The following ABCC12 variants were observed in gnomAD, a reference collection of about 807,000 sequenced individuals.
The protein encoded by ABCC12 is ATP-binding cassette sub-family C member 12.
ABCC12 carries 142 observed loss-of-function variants against 151.1 expected under a neutral mutation model. The ratio of observed to expected loss-of-function variants is 0.94; its 90% CI spans 0.82 to 1.08. The LOEUF is 1.08. ABCC12 is among the 50% of genes least tolerant of loss of function. The pLI, the probability that ABCC12 is intolerant of heterozygous loss-of-function variation, is 0.00. For synonymous variants in ABCC12, 645 were observed against 646.4 expected, an observed-to-expected ratio of 1.00 and a Z score of 0.03; for missense variants, 1,638 against 1,691.1, an observed-to-expected ratio of 0.97 and a Z score of 0.55.
At chr16:48,116,234 G>C (rs542718087) in intron 14 of ABCC12, among the ~76,000 whole-genome samples, 15 of 152,338 alleles carry the variant, frequency 9.8e-5, no homozygotes, top group Admixed American at 6.5e-4. Context: ...GGAACCCAAA[G>C]TGAACCCCAG....
intron 25 of ABCC12, among the ~76,000 whole-genome samples, chr16:48,089,184 A>G (rs1962771305): frequency 6.6e-6 from 1 of 152,234 alleles, no homozygotes; most frequent in Non-Finnish European, 1.5e-5. Context: ...AAGAAAAGTC[A>G]TGTGGCTGGA....
At chr16:48,117,428 C>A in intron 13 of ABCC12, 95 bp from the exon 14 acceptor site, 1 of 1,388,354 alleles carries the variant, frequency 7.2e-7, no homozygotes, top group Non-Finnish European at 1.0e-6. Context: ...GTTGCTGGGG[C>A]AAGGCCAGGG....
intron 24 of ABCC12, among the ~76,000 whole-genome samples, chr16:48,096,224 C>A (rs1315612365): frequency 6.6e-6 from 1 of 152,224 alleles, no homozygotes; most frequent in Admixed American, 6.5e-5. Context: ...GTCTCCCCAG[C>A]ATTCATTTCA....
At chr16:48,127,026 G>A (rs929948560) in intron 11 of ABCC12, among the ~76,000 whole-genome samples, 3 of 152,118 alleles carry the variant, frequency 2.0e-5, no homozygotes, top group Non-Finnish European at 4.4e-5. Flanking sequence ...AGGCAAAGTA[G>A]GTGGCACTCA....
At chr16:48,095,185 A>T (rs1963050565) in intron 24 of ABCC12, among the ~76,000 whole-genome samples, 1 of 152,178 alleles carries the variant, frequency 6.6e-6, no homozygotes. Flanking sequence ...TCGTGGGGGC[A>T]GTTTCCCCCA....
rs1209133000 is a variant in ABCC12 at position 48,111,411 on chromosome 16, G to T, written c.2281+25C>A. On this transcript the variant is annotated intron_variant, in intron 18 of 30. Transcript: ENST00000311303. The stretch of plus-strand genomic sequence containing the variant: ...GCCCAATACATCCTTAAGTGTATGT[G>T]ACTGAGGGGATGTGTGGTAAATACC... The T allele has an allele frequency of 3.1e-6, 5 of 1,606,390 alleles. No individual in the cohort carries two copies. The South Asian group carries it at 4.4e-5, about 14-fold the overall frequency.
At chr16:48,102,854 C>G (rs1164036840) in intron 22 of ABCC12, among the ~76,000 whole-genome samples, 1 of 152,188 alleles carries the variant, frequency 6.6e-6, no homozygotes, top group Non-Finnish European at 1.5e-5. Flanking sequence ...CCTCTCCCAT[C>G]CCCCAACACC....
At chr16:48,106,714 C>A (rs975630657) in intron 20 of ABCC12, among the ~76,000 whole-genome samples, 1 of 152,168 alleles carries the variant, frequency 6.6e-6, no homozygotes, top group Non-Finnish European at 1.5e-5. Flanking sequence ...CCACAGCACT[C>A]CCCAGGGCTC....
chr16:48,118,500 C>T (rs575036888), intron 13 of ABCC12, among the ~76,000 whole-genome samples: 2 of 152,350 alleles, frequency 1.3e-5, no homozygotes, highest in South Asian at 2.1e-4. Context: ...GGTTGCCTGC[C>T]TCCACAGTGG....
At position 48,091,190 on chromosome 16, in the gene ABCC12, A is replaced by T. The variant is rs756577166; in HGVS notation, c.3215T>A (p.Val1072Glu). 14 of 1,613,906 alleles carry T rather than the reference A, an allele frequency of 8.7e-6. No individual in the cohort carries two copies. The Admixed American group carries it at 1.8e-4, about 21-fold the overall frequency. ...YIIQLSGLLQVCVRTGTETQA... is the reference protein window; with the variant it reads ...YIIQLSGLLQECVRTGTETQA... ...CGTCTCTGTTCCCGTTCGCACACAC[A>T]CTTGGAGCAGTCCGCTCAGCTGTTG... Residue 1072 changes from valine (V) to glutamate (E), a missense_variant, in exon 25 of 31, where the codon GTG becomes GAG. Val to Glu is a moderately radical substitution (Grantham distance 121). Transcript: ENST00000311303.
At chr16:48,130,628 A>G (rs531643167) in intron 10 of ABCC12, among the ~76,000 whole-genome samples, 160 bp downstream of exon 10, 1 of 152,164 alleles carries the variant, frequency 6.6e-6, no homozygotes, top group South Asian at 2.1e-4. Context: ...TGTCCTTCAT[A>G]CACATTTATT....
chr16:48,119,287 T>C (rs952571717), intron 13 of ABCC12, among the ~76,000 whole-genome samples: 1 of 152,374 alleles, frequency 6.6e-6, no homozygotes, highest in Non-Finnish European at 1.5e-5. Flanking sequence ...CATTCCTCCC[T>C]GGTGCACTGT....
At chr16:48,139,122 G>A (rs2150669867) in intron 7 of ABCC12, 41 bp downstream of exon 7, 8 of 1,537,452 alleles carry the variant, frequency 5.2e-6, no homozygotes, top group East Asian at 4.6e-5. Flanking sequence ...TGTGTGAAAT[G>A]CAAATACAAA....
At position 48,110,996 on chromosome 16, in the gene ABCC12, G is replaced by A. The variant is rs143779832; in HGVS notation, c.2281+440C>T. Among the ~76,000 whole-genome samples, 1,112 of 152,176 alleles carry A rather than the reference G, an allele frequency of 7.3e-3. 15 individuals carry two copies. Among genetic ancestry groups the A allele is most frequent in the African/African-American group, 0.026 (1,061 of 41,502 alleles). ...CAATCCCTTCACTGCTTCATAATCC[G>A]TTCTCAATGCTCCCCATAAAGAGTG... On this transcript the variant is annotated intron_variant, in intron 18 of 30. Coordinates refer to ENST00000311303, the MANE Select transcript of ABCC12 (RefSeq NM_001393797.1).
At chr16:48,137,182 T>C (rs1387274418) in intron 8 of ABCC12, among the ~76,000 whole-genome samples, 2 of 152,032 alleles carry the variant, frequency 1.3e-5, no homozygotes, top group East Asian at 1.9e-4. Context: ...GGGAGTGGAA[T>C]GGAGACGAGC....
At position 48,140,817 on chromosome 16, in the gene ABCC12, T is replaced by C. The variant is rs1181424838; in HGVS notation, c.527A>G (p.Lys176Arg). 4 of 1,614,108 alleles carry C rather than the reference T, an allele frequency of 2.5e-6. No homozygotes were observed. ...CIALFATEFT[K>R]VFFWALAWAI... The stretch of plus-strand genomic sequence containing the variant: ...CCAGGCAAGGGCCCAAAAGAAGACT[T>C]TGGTAAACTCGGTGGCAAAAAGGGC... The change falls in exon 6 of 31, where the codon AAA (lysine) becomes AGA (arginine). Residue 176 changes from lysine (K) to arginine (R), a missense_variant. Coordinates refer to ENST00000311303, the MANE Select transcript of ABCC12 (RefSeq NM_001393797.1).
At chr16:48,129,536 G>A (rs548599252) in intron 10 of ABCC12, among the ~76,000 whole-genome samples, 20 of 152,168 alleles carry the variant, frequency 1.3e-4, no homozygotes, top group African/African-American at 4.6e-4. Flanking sequence ...GCTCAAGTTG[G>A]GAAGGGAAGG....
chr16:48,110,500 G>C (rs993543474), intron 18 of ABCC12, among the ~76,000 whole-genome samples: 1 of 152,166 alleles, frequency 6.6e-6, no homozygotes, highest in African/African-American at 2.4e-5. Context: ...TCTGTGTCCA[G>C]CATGGGGCAA....
At chr16:48,084,767 G>T (rs879376024) in intron 29 of ABCC12, among the ~76,000 whole-genome samples, 4 of 152,144 alleles carry the variant, frequency 2.6e-5, no homozygotes, top group Non-Finnish European at 5.9e-5. Flanking sequence ...TATATTAAAA[G>T]TCTCGGAGGA....
Sources: gnomAD v4.1 joint callset for allele counts (sites outside exome capture counted in the v4.1 genomes callset) on GRCh38, gnomAD v4.1.1 for gene constraint, MANE v1.5 for transcripts, NCBI Gene and HGNC (gene_info 2026-07-23, HGNC 2026-07-21) for gene names.